Variants in C11orf65 observed in about 807,000 individuals in gnomAD.
C11orf65 encodes the protein chromosome 11 open reading frame 65.
Under a neutral mutation model 35.3 loss-of-function variants are expected in C11orf65, and 38 were observed. That is an observed-to-expected ratio of 1.08 (90% CI 0.83 to 1.41). The LOEUF (loss-of-function observed/expected upper bound fraction) is 1.41. Among genes scored for constraint, C11orf65 ranks in the 40% most tolerant of loss-of-function variants. The pLI is 0.00. For missense variants in C11orf65, 370 were observed against 367.1 expected (o/e 1.01, Z -0.06); for synonymous variants, 105 against 114.4 (o/e 0.92, Z 0.53).
chr11:108,367,678 C>T (rs1208861750), intron 2 of C11orf65: 1 of 213,842 alleles, frequency 4.7e-6, no homozygotes, highest in Non-Finnish European at 9.5e-6. Context: ...CTTTTTATTG[C>T]CAATGGCAGG....
At position 108,406,847 on chromosome 11, in the gene C11orf65, A is replaced by G. The variant is rs2092550163; in HGVS notation, c.345T>C (p.Asn115=). ...CCTCTTCCTGAAGATGATCATTTTT[A>G]TTATGAGATGTATGCTTTGCTGGAA... The part of the protein sequence containing the change: ...AKLPAKHTSH[N]KNDHLQEEDH... The change falls in exon 5 of 9, where the codon AAT becomes AAC. Residue 115 remains asparagine (N), a synonymous_variant. Transcript: ENST00000393084. 1 of 1,613,008 alleles carries G rather than the reference A, an allele frequency of 6.2e-7. No individual in the cohort carries two copies. The highest frequency in any genetic ancestry group is 8.5e-7 in the Non-Finnish European group (1 of 1,179,364).
chr11:108,416,948 T>A (rs889229290), intron 3 of C11orf65, among the ~76,000 whole-genome samples: 2 of 152,166 alleles, frequency 1.3e-5, no homozygotes, highest in Admixed American at 1.3e-4. Context: ...ATAAGTGCAT[T>A]GTCTGGGAGA....
chr11:108,451,126 C>T (rs1025958867), intron 2 of C11orf65, among the ~76,000 whole-genome samples: 3 of 151,962 alleles, frequency 2.0e-5, no homozygotes, highest in Non-Finnish European at 4.4e-5. Flanking sequence ...CTCACCACTC[C>T]TATTCAACAT....
At chr11:108,465,253 T>C (rs1015996870) in intron 1 of C11orf65, among the ~76,000 whole-genome samples, 2 of 152,224 alleles carry the variant, frequency 1.3e-5, no homozygotes, top group Non-Finnish European at 2.9e-5. Flanking sequence ...GCTTTCTGCA[T>C]ACACCTGCTT....
intron 3 of C11orf65, among the ~76,000 whole-genome samples, chr11:108,415,817 T>G (rs1179428673): frequency 6.6e-6 from 1 of 152,118 alleles, no homozygotes; most frequent in African/African-American, 2.4e-5. Context: ...CACAAACAGT[T>G]AACTATTCTC....
chr11:108,431,189 G>A (rs2092984721), intron 3 of C11orf65, among the ~76,000 whole-genome samples: 1 of 151,832 alleles, frequency 6.6e-6, no homozygotes, highest in African/African-American at 2.4e-5. Flanking sequence ...AAAAAAAAAT[G>A]TGTACACTTA....
intron 6 of C11orf65, among the ~76,000 whole-genome samples, chr11:108,400,262 A>G (rs551952180): frequency 2.0e-5 from 3 of 152,126 alleles, no homozygotes; most frequent in African/African-American, 4.8e-5. Flanking sequence ...CTCATTTTTG[A>G]AAGGATATCT....
chr11:108,467,793 T>A (rs535763738), upstream of C11orf65, among the ~76,000 whole-genome samples: 6 of 152,314 alleles, frequency 3.9e-5, no homozygotes, highest in East Asian at 1.2e-3. Context: ...CTTAAAGATG[T>A]TGAGAAATAT....
intron 6 of C11orf65, among the ~76,000 whole-genome samples, chr11:108,316,294 A>AG (rs376137652): frequency 6.6e-6 from 1 of 152,214 alleles, no homozygotes; most frequent in Non-Finnish European, 1.5e-5. Flanking sequence ...TGCAAAAAAA[A>AG]GAGAAAAAAT....
At chr11:108,439,255 G>C (rs1027785917) in intron 2 of C11orf65, among the ~76,000 whole-genome samples, 5 of 152,124 alleles carry the variant, frequency 3.3e-5, no homozygotes, top group Non-Finnish European at 1.5e-5. Context: ...AGTCATAAGG[G>C]AAATGTAAAT....
chr11:108,357,648 A>G (rs1338079778), intron 2 of C11orf65, among the ~76,000 whole-genome samples: 1 of 152,062 alleles, frequency 6.6e-6, no homozygotes, highest in Non-Finnish European at 1.5e-5. Flanking sequence ...CTGACCCCCG[A>G]GCAGCCTAAC....
intron 5 of C11orf65, 118 bp from the exon 6 acceptor site, chr11:108,405,677 G>T: frequency 9.8e-7 from 1 of 1,019,850 alleles, no homozygotes; most frequent in Non-Finnish European, 1.5e-6. Context: ...AAACAGAGGA[G>T]AGGATAGATA....
chr11:108,415,534 T>C (rs906084920), intron 3 of C11orf65, among the ~76,000 whole-genome samples: 1 of 152,190 alleles, frequency 6.6e-6, no homozygotes. Flanking sequence ...GTTCTTCCCA[T>C]CTTTCTGGAT....
rs2012939074 is a variant in C11orf65, at chr11:108,431,817, AG to A, written c.102del (p.Phe35LeufsTer4). 1 of 1,518,680 alleles carries A rather than the reference AG, an allele frequency of 6.6e-7. No individual in the cohort carries two copies. Among genetic ancestry groups the A allele is most frequent in the African/African-American group, 1.4e-5 (1 of 73,400 alleles). 94.1% of individuals were successfully genotyped at this position (1,518,680 alleles called of 1,614,324 possible). ...KSFLNVAIFQ[H>X]FKSLIDLRRQ... ...CTTCTTAAATCAATCAGACTTTTAAAGTGTTGAAATATAGCGACATTCTAAA... is the reference window on the plus strand; with the variant it reads ...CTTCTTAAATCAATCAGACTTTTAAATGTTGAAATATAGCGACATTCTAAA... On this transcript the variant is annotated frameshift_variant, in exon 3 of 9. Transcript: ENST00000393084. LOFTEE classifies it high-confidence loss of function.
chr11:108,423,102 T>C (rs749568424), intron 3 of C11orf65, among the ~76,000 whole-genome samples: 10 of 152,152 alleles, frequency 6.6e-5, no homozygotes, highest in African/African-American at 9.7e-5. Context: ...CACCAGGAGA[T>C]TCCCTAGGTT....
chr11:108,311,593 G>A (rs1176073703), intron 6 of C11orf65, among the ~76,000 whole-genome samples: 1 of 152,072 alleles, frequency 6.6e-6, no homozygotes, highest in Non-Finnish European at 1.5e-5. Flanking sequence ...AGCAACTCAG[G>A]AGGCTGAGGG....
chr11:108,318,951 G>A (rs924901726), intron 6 of C11orf65, among the ~76,000 whole-genome samples: 10 of 152,094 alleles, frequency 6.6e-5, no homozygotes, highest in Non-Finnish European at 1.5e-4. Context: ...TGAGGAGGGT[G>A]GATCACATGA....
intron 3 of C11orf65, among the ~76,000 whole-genome samples, chr11:108,408,877 T>C (rs980329712): frequency 1.3e-4 from 20 of 151,850 alleles, no homozygotes; most frequent in Non-Finnish European, 1.3e-4. Flanking sequence ...GATCAGAAAA[T>C]AGATGTTATT....
intron 2 of C11orf65, among the ~76,000 whole-genome samples, chr11:108,359,569 A>G (rs1010599548): frequency 6.6e-5 from 10 of 152,200 alleles, no homozygotes; most frequent in Admixed American, 3.9e-4. Flanking sequence ...CAGCAAATGT[A>G]AAAGAACAGA....
Sources: gnomAD v4.1 joint callset for allele counts (sites outside exome capture counted in the v4.1 genomes callset) on GRCh38, gnomAD v4.1.1 for gene constraint, MANE v1.5 for transcripts, NCBI Gene and HGNC (gene_info 2026-07-23, HGNC 2026-07-21) for gene names.